The following DLG2 variants were observed in gnomAD, a reference collection of about 807,000 sequenced individuals.
DLG2 encodes the protein discs large MAGUK scaffold protein 2.
DLG2 carries 45 observed loss-of-function variants against 132.5 expected under a neutral mutation model. That is an observed-to-expected ratio of 0.34 (90% CI 0.27 to 0.44). The LOEUF (loss-of-function observed/expected upper bound fraction) is 0.44. Ranked by LOEUF, DLG2 falls within the 20% of genes least tolerant of loss-of-function variation. The pLI is 1.00. For missense variants in DLG2, 1,045 were observed against 1,196.9 expected (o/e 0.87, Z 1.87); for synonymous variants, 424 against 419.6 (o/e 1.01, Z -0.13).
intron 8 of DLG2, among the ~76,000 whole-genome samples, chr11:84,234,087 A>T (rs2097128824): frequency 6.6e-6 from 1 of 152,180 alleles, no homozygotes; most frequent in Non-Finnish European, 1.5e-5. Context: ...CCTCACATGC[A>T]GCACCTGCTC....
At chr11:84,638,520 C>T (rs1031814650) in intron 6 of DLG2, among the ~76,000 whole-genome samples, 1 of 152,152 alleles carries the variant, frequency 6.6e-6, no homozygotes, top group African/African-American at 2.4e-5. Flanking sequence ...TTAAAAGCAA[C>T]AAAATGATGA....
At chr11:84,997,223 G>A (rs781655235) in intron 6 of DLG2, 3 of 152,918 alleles carry the variant, frequency 2.0e-5, no homozygotes, top group South Asian at 4.1e-4. Flanking sequence ...TTGCAGTGAG[G>A]TTTCACAAAA....
At chr11:84,752,530 T>C (rs1308896753) in intron 6 of DLG2, among the ~76,000 whole-genome samples, 2 of 151,766 alleles carry the variant, frequency 1.3e-5, no homozygotes, top group Admixed American at 1.3e-4. Context: ...AAAATCTAAC[T>C]AGATAACATG....
chr11:85,577,202 C>A lies in DLG2; in HGVS notation c.40+21455G>T, dbSNP rs1280110004. On this transcript the variant is annotated intron_variant, in intron 3 of 27. Coordinates refer to ENST00000376104, the MANE Select transcript of DLG2 (RefSeq NM_001142699.3). Reference sequence around the variant, plus strand: ...TTAAAATATCACTCTGTATGCTATGCAGAGAACAGATTGGCATAAAAGTGA... The same window carrying A: ...TTAAAATATCACTCTGTATGCTATGAAGAGAACAGATTGGCATAAAAGTGA... Among the ~76,000 whole-genome samples the A allele has an allele frequency of 2.0e-5, 3 of 152,012 alleles. No individual in the cohort carries two copies. The East Asian group carries it at 5.8e-4, about 29-fold the overall frequency.
At chr11:83,473,241 T>C (rs2092279134) in intron 22 of DLG2, among the ~76,000 whole-genome samples, 1 of 152,164 alleles carries the variant, frequency 6.6e-6, no homozygotes, top group Non-Finnish European at 1.5e-5. Flanking sequence ...ATTTATGATA[T>C]AAAAACTTCA....
At chr11:83,591,292 T>A (rs373963615) in intron 19 of DLG2, among the ~76,000 whole-genome samples, 56 of 129,998 alleles carry the variant, frequency 4.3e-4, no homozygotes, top group South Asian at 2.9e-3. Context: ...GCTTATCCAC[T>A]ATGATCAAGT....
At chr11:85,567,854 A>G (rs921346840) in intron 3 of DLG2, among the ~76,000 whole-genome samples, 1 of 152,072 alleles carries the variant, frequency 6.6e-6, no homozygotes, top group Non-Finnish European at 1.5e-5. Flanking sequence ...ATTTTGTCAA[A>G]TGCTTTTTCT....
intron 17 of DLG2, among the ~76,000 whole-genome samples, chr11:83,819,864 T>C (rs974190071): frequency 6.6e-6 from 1 of 152,174 alleles, no homozygotes; most frequent in Admixed American, 6.5e-5. Flanking sequence ...CATTTTGAGC[T>C]TTCTCAAGAA....
intron 8 of DLG2, among the ~76,000 whole-genome samples, chr11:84,241,943 C>G (rs745853206): frequency 6.6e-6 from 1 of 152,172 alleles, no homozygotes; most frequent in Non-Finnish European, 1.5e-5. Context: ...TGAGACCTGA[C>G]GCTGCCAGTT....
chr11:84,614,139 G>A (rs56018117), intron 6 of DLG2, among the ~76,000 whole-genome samples: 8,866 of 152,198 alleles, frequency 0.058, 288 homozygotes, highest in South Asian at 0.075. Context: ...TGCATAGTAT[G>A]TGCCTTGAAC....
intron 19 of DLG2, among the ~76,000 whole-genome samples, chr11:83,589,970 G>T (rs1182105431): frequency 7.1e-6 from 1 of 141,800 alleles, no homozygotes; most frequent in African/African-American, 2.7e-5. Flanking sequence ...ACCCAATACA[G>T]GAGCACCCAG....
chr11:85,090,445 A>T (rs932120646), intron 6 of DLG2, among the ~76,000 whole-genome samples: 4 of 152,204 alleles, frequency 2.6e-5, no homozygotes, highest in East Asian at 1.9e-4. Context: ...TAAATAGAAG[A>T]CATCCCACTG....
intron 7 of DLG2, among the ~76,000 whole-genome samples, chr11:84,502,222 C>T (rs1488967321): frequency 7.8e-5 from 1 of 12,814 alleles, no homozygotes; most frequent in Non-Finnish European, 1.4e-4. Context: ...TTCCTTCCTT[C>T]CTTCCTTCCT....
At chr11:83,705,901 A>G (rs1046623307) in intron 18 of DLG2, among the ~76,000 whole-genome samples, 2 of 152,160 alleles carry the variant, frequency 1.3e-5, no homozygotes, top group African/African-American at 4.8e-5. Flanking sequence ...CACACCAACA[A>G]AAGTTTCAAC....
chr11:83,638,605 TC>T (rs1333050596), intron 18 of DLG2, among the ~76,000 whole-genome samples: 2 of 152,128 alleles, frequency 1.3e-5, no homozygotes, highest in Non-Finnish European at 2.9e-5. Context: ...CTGTGTCTGC[TC>T]CTAGAGCCCC....
At chr11:84,236,606 T>C (rs1264262632) in intron 8 of DLG2, among the ~76,000 whole-genome samples, 1 of 152,230 alleles carries the variant, frequency 6.6e-6, no homozygotes, top group Non-Finnish European at 1.5e-5. Context: ...TTTCATTAAC[T>C]TGATCAAGTC....
At chr11:83,770,440 C>T (rs1324251759) in intron 18 of DLG2, among the ~76,000 whole-genome samples, 1 of 151,844 alleles carries the variant, frequency 6.6e-6, no homozygotes, top group Non-Finnish European at 1.5e-5. Flanking sequence ...GATGAAACAT[C>T]AAGGCCTGTC....
chr11:83,676,860 CA>C (rs1217787623), intron 18 of DLG2, among the ~76,000 whole-genome samples: 2 of 152,120 alleles, frequency 1.3e-5, no homozygotes, highest in Non-Finnish European at 2.9e-5. Context: ...TCCTCGAGTT[CA>C]AAGATTAAAA....
At chr11:84,659,251 C>G (rs2154547713) in intron 6 of DLG2, among the ~76,000 whole-genome samples, 1 of 151,112 alleles carries the variant, frequency 6.6e-6, no homozygotes. Context: ...TATTTTTTTT[C>G]AACACTTTTT....
Sources: allele counts gnomAD v4.1 joint callset (sites outside exome capture counted in the v4.1 genomes callset), GRCh38; gene constraint gnomAD v4.1.1; transcripts MANE v1.5; gene names NCBI Gene and HGNC (gene_info 2026-07-23, HGNC 2026-07-21).